GLT1D1: variants seen among roughly 807,000 people sequenced by gnomAD.
GLT1D1 encodes the protein glycosyltransferase 1 domain-containing protein 1.
In GLT1D1, 21 loss-of-function variants were observed where a neutral mutation model predicts 28.7. That is an observed-to-expected ratio of 0.73 (90% confidence interval 0.52 to 1.05). GLT1D1 has a LOEUF of 1.05. Ranked by LOEUF, GLT1D1 falls within the 50% of genes least tolerant of loss-of-function variation. The probability of loss-of-function intolerance (pLI) is 0.00; values close to 1 mark genes in which losing one functional copy is unlikely to be tolerated. For missense variants in GLT1D1, 343 were observed against 330.6 expected, an observed-to-expected ratio of 1.04 and a Z score of -0.29; for synonymous variants, 147 against 124.8, an observed-to-expected ratio of 1.18 and a Z score of -1.19.
At chr12:128,927,076 G>GT (rs1172962126) in intron 4 of GLT1D1, 29 bp from the exon 8 acceptor site, 7 of 1,524,788 alleles carry the variant, frequency 4.6e-6, no homozygotes, top group African/African-American at 4.1e-5. Flanking sequence ...CATTTGAAGT[G>GT]TTTTTTTGTC....
Position 128,888,681 on chromosome 12 carries a change from T to C in GLT1D1, c.260T>C (p.Val87Ala). 6.2e-7 allele frequency: 1 copy of C among 1,613,912 alleles called. No individual in the cohort carries two copies. Among genetic ancestry groups the C allele is most frequent in the Non-Finnish European group, 8.5e-7 (1 of 1,179,872 alleles). Residue 87 changes from valine (V) to alanine (A), a missense_variant, in exon 3 of 8, where the codon GTA becomes GCA. Physicochemically the swap from Val to Ala is moderately conservative, Grantham distance 64. Transcript: ENST00000281703. ...GGAGTCATCTTTGGTGGAACTGATG[T>C]AAATGAAGATGCCAACCAGGCGGAA...
intron 3 of GLT1D1, among the ~76,000 whole-genome samples, 164 bp downstream of exon 3, chr12:128,888,908 C>T (rs1385020825): frequency 6.6e-6 from 1 of 152,178 alleles, no homozygotes; most frequent in Admixed American, 6.6e-5. Context: ...TTTTATTTGG[C>T]CACAAATAGT....
intron 7 of GLT1D1, among the ~76,000 whole-genome samples, chr12:128,964,123 G>T (rs1878227400): frequency 6.6e-6 from 1 of 152,236 alleles, no homozygotes; most frequent in South Asian, 2.1e-4. Flanking sequence ...AGTTGCGCTG[G>T]CTCATGCCTG....
chr12:128,897,732 G>C (rs111922312), intron 3 of GLT1D1, among the ~76,000 whole-genome samples: 1 of 151,550 alleles, frequency 6.6e-6, no homozygotes, highest in Non-Finnish European at 1.5e-5. Context: ...GCAGTGGCAC[G>C]ATCTCGGCTC....
chr12:128,873,776 G>T (rs1042678302), intron 1 of GLT1D1, among the ~76,000 whole-genome samples: 3 of 151,966 alleles, frequency 2.0e-5, no homozygotes, highest in Middle Eastern at 3.4e-3. Flanking sequence ...TTTTTCTATG[G>T]ACTGCAATTT....
intron 1 of GLT1D1, among the ~76,000 whole-genome samples, chr12:128,863,617 A>G (rs34041515): frequency 0.028 from 4,264 of 152,232 alleles, 90 homozygotes; most frequent in South Asian, 0.079. Context: ...ACCTCAGGCG[A>G]TTCACTCGCC....
At chr12:128,975,170 C>T (rs1879648644) in intron 7 of GLT1D1, among the ~76,000 whole-genome samples, 1 of 152,154 alleles carries the variant, frequency 6.6e-6, no homozygotes, top group South Asian at 2.1e-4. Flanking sequence ...GGTCTGAGCA[C>T]GGAGCCTCCC....
intron 4 of GLT1D1, among the ~76,000 whole-genome samples, chr12:128,904,623 C>T (rs1057218173): frequency 3.3e-4 from 46 of 139,338 alleles, no homozygotes; most frequent in African/African-American, 7.0e-4. Context: ...TGAAAACAGT[C>T]TTTTTTTTTT....
intron 4 of GLT1D1, among the ~76,000 whole-genome samples, chr12:128,929,542 A>G (rs1873646789): frequency 6.6e-6 from 1 of 152,176 alleles, no homozygotes; most frequent in African/African-American, 2.4e-5. Flanking sequence ...GTTCTTTCTT[A>G]TATAGTTTTT....
intron 2 of GLT1D1, among the ~76,000 whole-genome samples, chr12:128,884,747 G>A (rs1957138641): frequency 6.6e-6 from 1 of 152,118 alleles, no homozygotes; most frequent in Non-Finnish European, 1.5e-5. Context: ...CTGGGATGCG[G>A]AGGCTGGAGT....
At chr12:128,874,098 T>TTCTCTCTCTCTC (rs1263001892) in intron 1 of GLT1D1, among the ~76,000 whole-genome samples, 2 of 33,054 alleles carry the variant, frequency 6.1e-5, no homozygotes, top group African/African-American at 1.3e-4. Flanking sequence ...CTTTCTTTCT[T>TTCTCTCTCTCTC]TCTCTCTCTC....
Position 128,954,324 on chromosome 12 carries a change from G to T in GLT1D1, c.541-3221G>T, listed in dbSNP as rs191977142. 4.9e-3 allele frequency among the ~76,000 whole-genome samples: 730 copies of T among 148,132 alleles called. 9 individuals carry two copies. The highest frequency in any genetic ancestry group is 0.013 in the African/African-American group (518 of 40,344). On this transcript the variant is annotated intron_variant, in intron 6 of 7. Coordinates refer to ENST00000281703, the MANE Select transcript of GLT1D1 (RefSeq NM_144669.3). ...TTTTTGTATTTTTAGTAGAGATGGT[G>T]TTTCACCATGTTAGCCAGGATGGTC...
Position 128,919,992 on chromosome 12 carries a change from C to T in GLT1D1, c.375+20705C>T, listed in dbSNP as rs7301875. ...CTCTCTCTCTCTCTCTCTCTCTCTC[C>T]CCCTCCATCTCTCTCTCTATCTCTC... On this transcript the variant is annotated intron_variant, in intron 4 of 7. Transcript: ENST00000281703. Among the ~76,000 whole-genome samples, 141 of 21,872 alleles carry T rather than the reference C, an allele frequency of 6.4e-3. 10 individuals are homozygous for T. Among genetic ancestry groups the T allele is most frequent in the African/African-American group, 0.016 (93 of 5,752 alleles). The allele number at this position is 21,872 out of a possible 152,430, so 14.3% of individuals were successfully genotyped here. A position where few individuals can be genotyped will look rare whatever the true frequency, so the allele number is the denominator to read the frequency against.
chr12:128,879,483 T>A (rs1956985400), intron 2 of GLT1D1, among the ~76,000 whole-genome samples: 1 of 144,262 alleles, frequency 6.9e-6, no homozygotes, highest in African/African-American at 2.7e-5. Context: ...GTGGGCAGAG[T>A]CTCACTCTGT....
At chr12:128,967,007 C>T (rs1593201077) in intron 7 of GLT1D1, among the ~76,000 whole-genome samples, 1 of 152,292 alleles carries the variant, frequency 6.6e-6, no homozygotes, top group Non-Finnish European at 1.5e-5. Flanking sequence ...TTTTATTGCT[C>T]TGTTTTATAG....
intron 4 of GLT1D1, among the ~76,000 whole-genome samples, chr12:128,935,554 AAG>A (rs1874464452): frequency 6.6e-6 from 1 of 151,952 alleles, no homozygotes; most frequent in Non-Finnish European, 1.5e-5. Flanking sequence ...AAAAAAAAAA[AAG>A]AACAATAGAG....
chr12:128,979,205 T>G (rs1332113789), intron 7 of GLT1D1, among the ~76,000 whole-genome samples: 1 of 152,258 alleles, frequency 6.6e-6, no homozygotes, highest in Admixed American at 6.5e-5. Context: ...GGTAACAGTG[T>G]TCATTCTCTA....
At chr12:128,873,275 A>G (rs1229240430) in intron 1 of GLT1D1, among the ~76,000 whole-genome samples, 2 of 152,164 alleles carry the variant, frequency 1.3e-5, no homozygotes, top group Non-Finnish European at 1.5e-5. Context: ...CACACAGTGT[A>G]TATACCCAAA....
intron 3 of GLT1D1, among the ~76,000 whole-genome samples, chr12:128,893,275 C>A (rs1869269075): frequency 6.6e-6 from 1 of 151,854 alleles, no homozygotes; most frequent in Non-Finnish European, 1.5e-5. Flanking sequence ...AAAAAATTAT[C>A]GTCAAGCAAA....
Sources: allele counts gnomAD v4.1 joint callset (sites outside exome capture counted in the v4.1 genomes callset), GRCh38; gene constraint gnomAD v4.1.1; transcripts MANE v1.5; gene names NCBI Gene and HGNC (gene_info 2026-07-23, HGNC 2026-07-21).